Variants in ZBTB8A observed in about 807,000 individuals in gnomAD.
The protein encoded by ZBTB8A is zinc finger and BTB domain-containing protein 8A.
Under a neutral mutation model 37.8 loss-of-function variants are expected in ZBTB8A, and 19 were observed. That is an observed-to-expected ratio of 0.50 (90% CI 0.35 to 0.74). The LOEUF is 0.74. ZBTB8A is among the 30% of genes least tolerant of loss of function. The probability of loss-of-function intolerance (pLI) is 0.01; values close to 1 mark genes in which losing one functional copy is unlikely to be tolerated. For missense variants in ZBTB8A, 394 were observed against 537.8 expected, an observed-to-expected ratio of 0.73 and a Z score of 2.65; for synonymous variants, 181 against 185.2, an observed-to-expected ratio of 0.98 and a Z score of 0.19.
chr1:32,584,508 C>CTTTTTTTTTTTTT (rs1177778440), intron 2 of ZBTB8A, among the ~76,000 whole-genome samples: 34 of 117,864 alleles, frequency 2.9e-4, no homozygotes, highest in South Asian at 5.6e-4. Flanking sequence ...TTCTTTCTTT[C>CTTTTTTTTTTTTT]TTTTTTTTTT....
intron 1 of ZBTB8A, among the ~76,000 whole-genome samples, chr1:32,553,203 G>A (rs921450679): frequency 4.6e-5 from 7 of 151,844 alleles, no homozygotes; most frequent in Non-Finnish European, 1.0e-4. Context: ...GGGATTACAG[G>A]CACCTGCCAC....
At chr1:32,559,014 G>C (rs1644224067) in intron 2 of ZBTB8A, among the ~76,000 whole-genome samples, 1 of 152,154 alleles carries the variant, frequency 6.6e-6, no homozygotes, top group African/African-American at 2.4e-5. Flanking sequence ...AGCAGAGCCG[G>C]GGTTTAGATT....
intron 1 of ZBTB8A, among the ~76,000 whole-genome samples, chr1:32,544,822 A>G (rs1324988973): frequency 1.3e-5 from 2 of 152,236 alleles, no homozygotes; most frequent in Admixed American, 6.5e-5. Context: ...GCGCGTGACC[A>G]TATCAGTACT....
At chr1:32,554,349 T>C (rs1644182744) in intron 2 of ZBTB8A, among the ~76,000 whole-genome samples, 1 of 151,926 alleles carries the variant, frequency 6.6e-6, no homozygotes, top group East Asian at 1.9e-4. Context: ...TTTTTTTTAA[T>C]GACATCTTTA....
intron 1 of ZBTB8A, among the ~76,000 whole-genome samples, chr1:32,541,986 T>TG (rs973180250): frequency 4.6e-5 from 7 of 152,200 alleles, no homozygotes; most frequent in Non-Finnish European, 8.8e-5. Context: ...GTGCGTTTAA[T>TG]GGGGTATTAA....
chr1:32,555,369 A>G (rs1644193467), intron 2 of ZBTB8A, among the ~76,000 whole-genome samples: 1 of 152,074 alleles, frequency 6.6e-6, no homozygotes. Context: ...AGCCTGGGCG[A>G]CAGAGCGACA....
chr1:32,553,070 T>A (rs2148218454), intron 1 of ZBTB8A, among the ~76,000 whole-genome samples: 1 of 151,708 alleles, frequency 6.6e-6, no homozygotes, highest in African/African-American at 2.4e-5. Context: ...TATAATTTTT[T>A]TTTTTTTGAG....
intron 2 of ZBTB8A, among the ~76,000 whole-genome samples, chr1:32,578,658 T>C (rs1009749497): frequency 3.0e-4 from 45 of 152,202 alleles, no homozygotes; most frequent in Non-Finnish European, 5.7e-4. Flanking sequence ...TCTGTTTCTA[T>C]TGACGAATTT....
At chr1:32,563,685 C>A (rs1267729225) in intron 2 of ZBTB8A, among the ~76,000 whole-genome samples, 1 of 152,086 alleles carries the variant, frequency 6.6e-6, no homozygotes, top group African/African-American at 2.4e-5. Context: ...CTTGGCCAGG[C>A]TGGTCTCGAA....
chr1:32,557,360 G>A (rs548295391), intron 2 of ZBTB8A, among the ~76,000 whole-genome samples: 1 of 152,234 alleles, frequency 6.6e-6, no homozygotes, highest in East Asian at 1.9e-4. Flanking sequence ...TTTTGTTTTT[G>A]TTTGTTTTTG....
intron 1 of ZBTB8A, among the ~76,000 whole-genome samples, chr1:32,549,391 G>T (rs1030622299): frequency 6.6e-6 from 1 of 151,784 alleles, no homozygotes; most frequent in Non-Finnish European, 1.5e-5. Flanking sequence ...CTACTTGGGG[G>T]GCTGAGGCAG....
At chr1:32,562,539 G>A (rs920409537) in intron 2 of ZBTB8A, among the ~76,000 whole-genome samples, 2 of 149,668 alleles carry the variant, frequency 1.3e-5, no homozygotes, top group Admixed American at 1.3e-4. Flanking sequence ...CTAAAGTGCT[G>A]GGATTATAGG....
Position 32,593,641 on chromosome 1 carries a change from C to T in ZBTB8A, c.710C>T (p.Ser237Phe). 6.2e-7 allele frequency: 1 copy of T among 1,614,168 alleles called. No individual in the cohort carries two copies. Among genetic ancestry groups the T allele is most frequent in the Non-Finnish European group, 8.5e-7 (1 of 1,180,028 alleles). ...SKREVRTSDS[S>F]SHVSQSEEQA... ...CGAGAAGTACGAACATCTGATTCTT[C>T]CAGCCATGTTTCCCAGTCTGAAGAA... Residue 237 changes from serine to phenylalanine, a missense_variant, in exon 3 of 5, where the codon TCC becomes TTC. Physicochemically the swap from Ser to Phe is radical, Grantham distance 155 (BLOSUM62 -2). Around this residue, in one of 4 missense-constraint regions of ZBTB8A, gnomAD observed 171 missense variants for 186.8 expected, o/e 0.92. Transcript: ENST00000373510.
chr1:32,545,734 C>T (rs1294135048), intron 1 of ZBTB8A, among the ~76,000 whole-genome samples: 1 of 152,140 alleles, frequency 6.6e-6, no homozygotes, highest in African/African-American at 2.4e-5. Context: ...GCTGTTTTTG[C>T]CTTCCCATTT....
rs112268131 is a variant in ZBTB8A, at chr1:32,580,550, G to GA, written c.-1-12368dup. Among the ~76,000 whole-genome samples, 1,359 of 136,358 alleles carry GA rather than the reference G, an allele frequency of 1.0e-2. 28 individuals carry two copies. Among genetic ancestry groups the GA allele is most frequent in the East Asian group, 0.077 (375 of 4,844 alleles). 89.5% of individuals were successfully genotyped at this position (136,358 alleles called of 152,430 possible). ...TGGGCAACAGAGTAAGATTCTGTCT[G>GA]AAAAAAAAAAAAAGAGAATTTTCAG... On this transcript the variant is annotated intron_variant, in intron 2 of 4. Coordinates refer to ENST00000373510, the MANE Select transcript of ZBTB8A (RefSeq NM_001040441.3).
chr1:32,547,297 T>TTTA (rs1644113139), intron 1 of ZBTB8A, among the ~76,000 whole-genome samples: 1 of 152,046 alleles, frequency 6.6e-6, no homozygotes, highest in African/African-American at 2.4e-5. Flanking sequence ...TCCATGACTT[T>TTTA]TTAAATATAT....
At chr1:32,570,912 G>A (rs2148232198) in intron 2 of ZBTB8A, among the ~76,000 whole-genome samples, 1 of 149,462 alleles carries the variant, frequency 6.7e-6, no homozygotes, top group African/African-American at 2.5e-5. Flanking sequence ...GTCTCGCTCT[G>A]TCACCCAGGC....
At chr1:32,572,877 T>C (rs1167539721) in intron 2 of ZBTB8A, among the ~76,000 whole-genome samples, 1 of 152,038 alleles carries the variant, frequency 6.6e-6, no homozygotes, top group African/African-American at 2.4e-5. Flanking sequence ...TCTTTTTTTT[T>C]TTCTTGGTTG....
chr1:32,552,896 T>G (rs1644168195), intron 1 of ZBTB8A, among the ~76,000 whole-genome samples: 1 of 146,978 alleles, frequency 6.8e-6, no homozygotes, highest in Non-Finnish European at 1.5e-5. Context: ...TTATTTATAT[T>G]GTATATTATA....
Sources: allele counts gnomAD v4.1 joint callset (sites outside exome capture counted in the v4.1 genomes callset), GRCh38; gene constraint gnomAD v4.1.1; regional missense constraint gnomAD v4.1.1; transcripts MANE v1.5; gene names NCBI Gene and HGNC (gene_info 2026-07-23, HGNC 2026-07-21).